DEPTOR: variants seen among roughly 807,000 people sequenced by gnomAD.
DEPTOR encodes the protein DEP domain containing MTOR interacting protein, also known as DEP domain-containing mTOR-interacting protein.
Under a neutral mutation model 41.6 loss-of-function variants are expected in DEPTOR, and 41 were observed. That is an observed-to-expected ratio of 0.98 (90% CI 0.77 to 1.28). DEPTOR has a LOEUF of 1.28. Among genes scored for constraint, DEPTOR ranks in the 50% most tolerant of loss-of-function variants. The pLI is 0.00. For missense variants in DEPTOR, 514 were observed against 527.9 expected, an observed-to-expected ratio of 0.97 and a Z score of 0.26; for synonymous variants, 195 against 192.3, an observed-to-expected ratio of 1.01 and a Z score of -0.12.
chr8:119,994,020 GT>G (rs975067029), intron 4 of DEPTOR, among the ~76,000 whole-genome samples: 1 of 152,018 alleles, frequency 6.6e-6, no homozygotes, highest in African/African-American at 2.4e-5. Context: ...GTGGGGTGTG[GT>G]GGCAGGTGCC....
At chr8:120,001,379 C>A in intron 4 of DEPTOR, 146 bp from the exon 5 acceptor site, 1 of 658,066 alleles carries the variant, frequency 1.5e-6, no homozygotes, top group Non-Finnish European at 2.3e-6. Flanking sequence ...GAACCATGGG[C>A]GGATGGGCGG....
chr8:119,943,586 A>T (rs1271990632), intron 3 of DEPTOR, among the ~76,000 whole-genome samples: 1 of 152,040 alleles, frequency 6.6e-6, no homozygotes, highest in Non-Finnish European at 1.5e-5. Flanking sequence ...ATTCGAGGTG[A>T]GTTTGGGTGG....
intron 3 of DEPTOR, among the ~76,000 whole-genome samples, chr8:119,934,624 G>A (rs770041001): frequency 7.9e-5 from 12 of 152,234 alleles, no homozygotes; most frequent in Non-Finnish European, 1.3e-4. Flanking sequence ...GTACAGTGCT[G>A]AGCACACTGC....
chr8:119,931,518 C>T lies in DEPTOR; in HGVS notation c.425+1580C>T, dbSNP rs565913565. Among the ~76,000 whole-genome samples, 13 of 152,304 alleles carry T rather than the reference C, an allele frequency of 8.5e-5. No individual in the cohort carries two copies. The South Asian group carries it at 2.5e-3, about 29-fold the overall frequency. On this transcript the variant is annotated intron_variant, in intron 3 of 8. Transcript: ENST00000286234. The stretch of plus-strand genomic sequence containing the variant: ...GTAGTAAGACCTCACAGATGATAGC[C>T]ATTCCAAATACGAGCACAGTACTGA...
intron 1 of DEPTOR, among the ~76,000 whole-genome samples, chr8:119,877,207 T>C (rs763865509): frequency 2.6e-5 from 4 of 152,248 alleles, no homozygotes; most frequent in Non-Finnish European, 5.9e-5. Flanking sequence ...TAGGAAATGT[T>C]AGCCACTTAA....
intron 1 of DEPTOR, among the ~76,000 whole-genome samples, chr8:119,902,072 C>T (rs1827600793): frequency 6.6e-6 from 1 of 152,142 alleles, no homozygotes; most frequent in Non-Finnish European, 1.5e-5. Flanking sequence ...TGATCCCCAA[C>T]ATCCTACTGA....
intron 1 of DEPTOR, among the ~76,000 whole-genome samples, chr8:119,901,991 A>C (rs945734739): frequency 2.6e-5 from 4 of 151,510 alleles, no homozygotes; most frequent in Admixed American, 6.6e-5. Flanking sequence ...TGTGATACAT[A>C]TTATGAACAT....
intron 3 of DEPTOR, among the ~76,000 whole-genome samples, chr8:119,949,242 T>C (rs766273889): frequency 6.6e-6 from 1 of 152,268 alleles, no homozygotes; most frequent in African/African-American, 2.4e-5. Flanking sequence ...TAATTCCTTG[T>C]ATGCATACAC....
rs148116061 is a variant in DEPTOR at position 120,017,990 on chromosome 8, A to G, written c.1101+8857A>G. Among the ~76,000 whole-genome samples, 20 of 152,316 alleles carry G rather than the reference A, an allele frequency of 1.3e-4. No individual in the cohort carries two copies. The East Asian group carries it at 3.7e-3, about 28-fold the overall frequency. ...AACAGAACCATCTGAGTCAGAATAAAGAACTAGTGGCCATGATGTCCTTTT... is the reference window on the plus strand; with the variant it reads ...AACAGAACCATCTGAGTCAGAATAAGGAACTAGTGGCCATGATGTCCTTTT... On this transcript the variant is annotated intron_variant, in intron 8 of 8. Transcript: ENST00000286234.
chr8:119,929,600 G>A (rs1363699484), intron 2 of DEPTOR, among the ~76,000 whole-genome samples: 1 of 152,078 alleles, frequency 6.6e-6, no homozygotes, highest in East Asian at 1.9e-4. Flanking sequence ...CTATGGTGAT[G>A]GTGATGGTGA....
At chr8:119,941,756 A>G (rs894423964) in intron 3 of DEPTOR, among the ~76,000 whole-genome samples, 4 of 152,344 alleles carry the variant, frequency 2.6e-5, no homozygotes, top group Non-Finnish European at 4.4e-5. Context: ...CCTTTGGAAA[A>G]TAGGGAAATT....
intron 8 of DEPTOR, among the ~76,000 whole-genome samples, chr8:120,035,684 A>G (rs1242103425): frequency 6.6e-6 from 1 of 152,136 alleles, no homozygotes; most frequent in East Asian, 1.9e-4. Flanking sequence ...GGTGCCCACT[A>G]TCATGTCCAG....
intron 8 of DEPTOR, among the ~76,000 whole-genome samples, chr8:120,018,544 G>A (rs749489102): frequency 8.6e-5 from 13 of 151,936 alleles, no homozygotes; most frequent in Non-Finnish European, 1.6e-4. Flanking sequence ...ACGCCACTGC[G>A]CTCCAGCTTG....
At position 119,912,456 on chromosome 8, in the gene DEPTOR, C is replaced by A. The variant is rs552504188; in HGVS notation, c.123-15944C>A. On this transcript the variant is annotated intron_variant, in intron 1 of 8. Transcript: ENST00000286234. ...CAGTTGGGAATCAATAAATGTGTTT[C>A]GGTTGAGAAATTTTTGCAAGCCCCT... Among the ~76,000 whole-genome samples the A allele has an allele frequency of 8.5e-5, 13 of 152,292 alleles. 1 individual carries two copies. The highest frequency in any genetic ancestry group is 3.1e-4 in the African/African-American group (13 of 41,560).
intron 6 of DEPTOR, among the ~76,000 whole-genome samples, chr8:120,004,628 T>C (rs903439884): frequency 2.0e-5 from 3 of 152,194 alleles, no homozygotes; most frequent in African/African-American, 7.2e-5. Context: ...TTAGCATGTT[T>C]CCTCTTTCTC....
chr8:119,990,910 G>A (rs1586647606), intron 4 of DEPTOR, among the ~76,000 whole-genome samples: 1 of 152,106 alleles, frequency 6.6e-6, no homozygotes, highest in East Asian at 1.9e-4. Context: ...ATTGCTTACT[G>A]TTTTGAAAAG....
intron 1 of DEPTOR, among the ~76,000 whole-genome samples, chr8:119,887,334 G>A (rs1478075144): frequency 9.4e-6 from 1 of 106,828 alleles, no homozygotes; most frequent in African/African-American, 3.7e-5. Flanking sequence ...AACACCATAG[G>A]CTCTTTATCA....
chr8:119,990,284 A>C (rs1253098587), intron 4 of DEPTOR, among the ~76,000 whole-genome samples: 1 of 152,032 alleles, frequency 6.6e-6, no homozygotes, highest in Non-Finnish European at 1.5e-5. Flanking sequence ...CAGCCTCCCG[A>C]GTAGCTGGGA....
chr8:119,876,637 CAA>C (rs58180956), intron 1 of DEPTOR, among the ~76,000 whole-genome samples: 36 of 138,962 alleles, frequency 2.6e-4, no homozygotes, highest in Admixed American at 3.7e-4. Context: ...GCCTCCATCT[CAA>C]AAAAAAAAAA....
Sources: gnomAD v4.1 joint callset for allele counts (sites outside exome capture counted in the v4.1 genomes callset) on GRCh38, gnomAD v4.1.1 for gene constraint, MANE v1.5 for transcripts, NCBI Gene and HGNC (gene_info 2026-07-23, HGNC 2026-07-21) for gene names.